Variants in ERCC5 observed in about 807,000 individuals in gnomAD.
The protein encoded by ERCC5 is DNA excision repair protein ERCC-5.
Under a neutral mutation model 105.6 loss-of-function variants are expected in ERCC5, and 68 were observed. That is an observed-to-expected ratio of 0.64 (90% confidence interval 0.53 to 0.79). The LOEUF is 0.79. Ranked by LOEUF, ERCC5 falls within the 30% of genes least tolerant of loss-of-function variation. The pLI, the probability that ERCC5 is intolerant of heterozygous loss-of-function variation, is 0.00. For missense variants in ERCC5, 1,373 were observed against 1,426.7 expected (o/e 0.96, Z 0.61); for synonymous variants, 546 against 526.2 (o/e 1.04, Z -0.51).
At chr13:102,864,690 T>C (rs1486097218) in intron 8 of ERCC5, 1 of 152,176 alleles carries the variant, frequency 6.6e-6, no homozygotes, top group Non-Finnish European at 1.5e-5. Context: ...GGAGCTCTGG[T>C]TCCTTTCAGT....
chr13:102,866,359 G>T lies in ERCC5; in HGVS notation c.2297G>T (p.Gly766Val). 6.2e-7 allele frequency: 1 copy of T among 1,614,128 alleles called. No individual in the cohort carries two copies. Among genetic ancestry groups the T allele is most frequent in the Non-Finnish European group, 8.5e-7 (1 of 1,179,986 alleles). The change falls in exon 10 of 15, where the codon GGA becomes GTA. Residue 766 changes from glycine (G) to valine (V), a missense_variant. Physicochemically the swap from Gly to Val is moderately radical, Grantham distance 109. Transcript: ENST00000652225. ...GAACGGATCGCTGCTACTGTCACCG[G>T]ACAGATGTTCCTGGAAAGCCAGGTG... is the stretch of plus-strand genomic sequence containing the variant. ...QQERIAATVT[G>V]QMFLESQELL...
In ERCC5 at chr13:102,858,222, G is replaced by A; in HGVS notation, c.529-53G>A. 5 of 1,610,200 alleles carry A rather than the reference G, an allele frequency of 3.1e-6. No homozygotes were observed. In the Admixed American group the frequency reaches 8.3e-5, roughly 27 times the overall value. On this transcript the variant is annotated intron_variant, in intron 5 of 14. Coordinates refer to ENST00000652225, the MANE Select transcript of ERCC5 (RefSeq NM_000123.4). ...TAATACATATCCTTAATGTTGAATA[G>A]AACTAAGTGTATGAAATGTAAATTT...
intron 7 of ERCC5, 40 bp downstream of exon 7, chr13:102,861,754 C>G: frequency 6.2e-7 from 1 of 1,608,518 alleles, no homozygotes; most frequent in South Asian, 1.1e-5. Context: ...ATTAAAAAAT[C>G]AAAGATATAT....
intron 6 of ERCC5, among the ~76,000 whole-genome samples, chr13:102,861,178 A>G (rs1160014208): frequency 2.6e-5 from 4 of 151,948 alleles, no homozygotes; most frequent in South Asian, 2.1e-4. Context: ...TAGTAGAGAC[A>G]GGGTTTCACC....
Position 102,861,489 on chromosome 13 carries a change from T to G in ERCC5, c.673-18T>G, listed in dbSNP as rs532961678. The G allele has an allele frequency of 6.2e-7, 1 of 1,613,592 alleles. No individual in the cohort carries two copies. Among genetic ancestry groups the G allele is most frequent in the Admixed American group, 1.7e-5 (1 of 60,030 alleles). ...TTTAATATAAAACAGTAATTTTGTTTGTTTATTTTGCCTTTAGGAGTCTGA... is the reference window on the plus strand; with the variant it reads ...TTTAATATAAAACAGTAATTTTGTTGGTTTATTTTGCCTTTAGGAGTCTGA... On this transcript the variant is annotated intron_variant, in intron 6 of 14. Coordinates refer to ENST00000652225, the MANE Select transcript of ERCC5 (RefSeq NM_000123.4).
rs2140542787 is a variant in ERCC5, at chr13:102,875,261, C to T, written c.2965-46C>T. The stretch of plus-strand genomic sequence containing the variant: ...TTGTTGATTTGGTTTAGAAACTTGA[C>T]TTACTTGTCTGATTTATTATTATTA... On this transcript the variant is annotated intron_variant, in intron 14 of 14. Coordinates refer to ENST00000652225, the MANE Select transcript of ERCC5 (RefSeq NM_000123.4). 2.5e-6 allele frequency: 4 copies of T among 1,590,958 alleles called. No individual in the cohort carries two copies. The East Asian group carries it at 9.2e-5, about 37-fold the overall frequency.
intron 12 of ERCC5, among the ~76,000 whole-genome samples, chr13:102,868,950 A>G (rs1265694821): frequency 2.0e-5 from 3 of 152,258 alleles, no homozygotes; most frequent in Admixed American, 2.0e-4. Context: ...ATATAGTCAC[A>G]TACCACAGAG....
chr13:102,866,502 G>A, intron 10 of ERCC5, 121 bp downstream of exon 10: 5 of 1,600,900 alleles, frequency 3.1e-6, no homozygotes, highest in Non-Finnish European at 4.3e-6. Context: ...GCCGTTCCCT[G>A]GGGGTCACTG....
rs768374740 is a variant in ERCC5 at position 102,846,317 on chromosome 13, C to T, written c.51C>T (p.Val17=). 10 of 1,614,062 alleles carry T rather than the reference C, an allele frequency of 6.2e-6. No individual in the cohort carries two copies. The South Asian group carries it at 8.8e-5, about 14-fold the overall frequency. The part of the protein sequence containing the change: ...WKLLECSGRQ[V]SPEALEGKIL... ...TGCTGGAGTGCTCCGGGCGGCAGGT[C>T]AGCCCCGAAGCGCTGGAAGGGAAGA... The change falls in exon 1 of 15, where the codon GTC becomes GTT. Residue 17 remains valine, a synonymous_variant. Transcript: ENST00000652225.
chr13:102,861,279 G>A (rs867156745), intron 6 of ERCC5, among the ~76,000 whole-genome samples: 9 of 151,924 alleles, frequency 5.9e-5, no homozygotes, highest in Admixed American at 4.6e-4. Flanking sequence ...ATGAGCCACC[G>A]CACCTGGCCA....
At chr13:102,857,216 G>T (rs565024614) in intron 5 of ERCC5, among the ~76,000 whole-genome samples, 1 of 152,184 alleles carries the variant, frequency 6.6e-6, no homozygotes, top group Non-Finnish European at 1.5e-5. Context: ...TTCAGGTTGC[G>T]GAGGTGCTGT....
In ERCC5 at chr13:102,863,077, T is replaced by G. The variant is rs1317433934; in HGVS notation, c.1928T>G (p.Ile643Ser). Reference sequence around the variant, plus strand: ...CCAAAGGCCGTGGAACCAATGGAAATTGACTCGGAAGAAAGTGAATCTGAT... The same window carrying G: ...CCAAAGGCCGTGGAACCAATGGAAAGTGACTCGGAAGAAAGTGAATCTGAT... The part of the protein sequence containing the change: ...SIPKAVEPME[I>S]DSEESESDGS... The change falls in exon 8 of 15, where the codon ATT becomes AGT. Residue 643 changes from isoleucine to serine, a missense_variant. By Grantham distance (142) the Ile-to-Ser change is moderately radical. Coordinates refer to ENST00000652225, the MANE Select transcript of ERCC5 (RefSeq NM_000123.4). 3 of 1,613,998 alleles carry G rather than the reference T, an allele frequency of 1.9e-6. No homozygotes were observed. The highest frequency in any genetic ancestry group is 1.3e-5 in the African/African-American group (1 of 75,050).
chr13:102,873,133 A>G, intron 13 of ERCC5, 126 bp from the exon 14 acceptor site: 1 of 1,126,668 alleles, frequency 8.9e-7, no homozygotes, highest in Non-Finnish European at 1.3e-6. Flanking sequence ...TAGCACTCTA[A>G]TCTTTATAAA....
intron 1 of ERCC5, among the ~76,000 whole-genome samples, chr13:102,846,934 T>C (rs924808516): frequency 1.6e-4 from 24 of 152,128 alleles, no homozygotes; most frequent in African/African-American, 5.6e-4. Flanking sequence ...ATCTGCAAAG[T>C]AGAGGTGGTG....
intron 1 of ERCC5, among the ~76,000 whole-genome samples, chr13:102,848,710 A>C (rs995217863): frequency 6.6e-6 from 1 of 152,210 alleles, no homozygotes; most frequent in Admixed American, 6.5e-5. Context: ...AAACTTACTG[A>C]AATTAGACAA....
At position 102,862,512 on chromosome 13, in the gene ERCC5, G is replaced by C. The variant is rs1441188625; in HGVS notation, c.1363G>C (p.Glu455Gln). 1 of 1,614,214 alleles carries C rather than the reference G, an allele frequency of 6.2e-7. No individual in the cohort carries two copies. The highest frequency in any genetic ancestry group is 8.5e-7 in the Non-Finnish European group (1 of 1,180,046). The change falls in exon 8 of 15, where the codon GAG (glutamate) becomes CAG (glutamine). Residue 455 changes from glutamate (E) to glutamine (Q), a missense_variant. By Grantham distance (29) the Glu-to-Gln change is conservative (BLOSUM62 2). Coordinates refer to ENST00000652225, the MANE Select transcript of ERCC5 (RefSeq NM_000123.4). ...TGCGTCATCTAGTGTGAACTCTGCA[G>C]AGGAGCACGTAGCCAGCACTAATGA... ...TLASSSVNSA[E>Q]EHVASTNEGR...
At chr13:102,874,901 G>A (rs555654343) in intron 14 of ERCC5, 1 of 183,898 alleles carries the variant, frequency 5.4e-6, no homozygotes, top group African/African-American at 2.4e-5. Flanking sequence ...CTGTGAACTT[G>A]CCTCTCAAAG....
intron 5 of ERCC5, among the ~76,000 whole-genome samples, chr13:102,857,361 AT>A (rs925650913): frequency 2.0e-5 from 3 of 151,196 alleles, no homozygotes; most frequent in Admixed American, 6.6e-5. Context: ...CCAAGGCTTT[AT>A]TTTTTTTTGT....
intron 5 of ERCC5, among the ~76,000 whole-genome samples, chr13:102,857,238 A>T (rs532103927): frequency 6.6e-6 from 1 of 152,336 alleles, no homozygotes; most frequent in Admixed American, 6.5e-5. Context: ...CTATTAATGC[A>T]GCTAGTGAGA....
Sources: gnomAD v4.1 joint callset for allele counts (sites outside exome capture counted in the v4.1 genomes callset) on GRCh38, gnomAD v4.1.1 for gene constraint, MANE v1.5 for transcripts, NCBI Gene and HGNC (gene_info 2026-07-23, HGNC 2026-07-21) for gene names.